The following PTPRD variants were observed in gnomAD, a reference collection of about 807,000 sequenced individuals.
PTPRD encodes the protein receptor-type tyrosine-protein phosphatase delta.
Under a neutral mutation model 214.5 loss-of-function variants are expected in PTPRD, and 34 were observed. The ratio of observed to expected loss-of-function variants is 0.16; its 90% confidence interval spans 0.12 to 0.21. PTPRD has a LOEUF of 0.21. Among genes scored for constraint, PTPRD ranks in the 10% least tolerant of loss-of-function variants. PTPRD has a pLI of 1.00. For synonymous variants in PTPRD, 1,128 were observed against 845.7 expected, an observed-to-expected ratio of 1.33 and a Z score of -5.79; for missense variants, 2,545 against 2,398.7, an observed-to-expected ratio of 1.06 and a Z score of -1.27.
intron 11 of PTPRD, among the ~76,000 whole-genome samples, chr9:8,851,802 C>T (rs905037501): frequency 3.3e-5 from 5 of 151,860 alleles, no homozygotes; most frequent in African/African-American, 4.8e-5. Context: ...TCATTTCCTC[C>T]GAGAGCTCAC....
At chr9:9,003,952 A>G (rs925931420) in intron 11 of PTPRD, among the ~76,000 whole-genome samples, 6 of 152,084 alleles carry the variant, frequency 3.9e-5, no homozygotes, top group African/African-American at 9.7e-5. Flanking sequence ...TGGCCATTGC[A>G]TTCCTAAACG....
At chr9:10,437,919 T>C (rs2098731304) in intron 2 of PTPRD, among the ~76,000 whole-genome samples, 1 of 149,716 alleles carries the variant, frequency 6.7e-6, no homozygotes, top group Non-Finnish European at 1.5e-5. Flanking sequence ...TAAAAGTACC[T>C]ATTCTGTGTT....
chr9:10,432,113 A>G (rs1023071641), intron 2 of PTPRD, among the ~76,000 whole-genome samples: 33 of 151,974 alleles, frequency 2.2e-4, no homozygotes, highest in African/African-American at 7.2e-4. Flanking sequence ...CCATAAAAAA[A>G]TGATGAGTTC....
chr9:10,227,702 T>C (rs1040557541), intron 3 of PTPRD, among the ~76,000 whole-genome samples: 2 of 152,020 alleles, frequency 1.3e-5, no homozygotes, highest in East Asian at 1.9e-4. Context: ...CAGAGACCTA[T>C]GTATTTTGTT....
In PTPRD at chr9:10,141,269, G is replaced by A. The variant is rs961588423; in HGVS notation, c.-544-107479C>T. Among the ~76,000 whole-genome samples, 6 of 152,022 alleles carry A rather than the reference G, an allele frequency of 3.9e-5. No individual in the cohort carries two copies. In the East Asian group the frequency reaches 1.2e-3, roughly 29 times the overall value. On this transcript the variant is annotated intron_variant, in intron 3 of 45. Transcript: ENST00000381196. ...TGGCCAGGGCAATTAGGCAGGAGAA[G>A]GAAATAAAGGGCATTCAATTAGGAA...
At chr9:10,362,427 G>A (rs1264953618) in intron 2 of PTPRD, among the ~76,000 whole-genome samples, 1 of 150,912 alleles carries the variant, frequency 6.6e-6, no homozygotes, top group African/African-American at 2.4e-5. Flanking sequence ...AAGGAACTGA[G>A]CAATGACTGA....
At chr9:8,853,934 C>T (rs892631191) in intron 11 of PTPRD, among the ~76,000 whole-genome samples, 2 of 152,218 alleles carry the variant, frequency 1.3e-5, no homozygotes, top group East Asian at 3.9e-4. Flanking sequence ...AAAAGAGATT[C>T]AGACTAAATT....
At chr9:8,819,766 T>G (rs2097007934) in intron 11 of PTPRD, among the ~76,000 whole-genome samples, 1 of 152,322 alleles carries the variant, frequency 6.6e-6, no homozygotes, top group Non-Finnish European at 1.5e-5. Context: ...GTCAGATTCC[T>G]TTGTGACACA....
At chr9:8,590,077 T>G (rs1349085759) in intron 14 of PTPRD, among the ~76,000 whole-genome samples, 3 of 152,046 alleles carry the variant, frequency 2.0e-5, no homozygotes, top group Non-Finnish European at 4.4e-5. Flanking sequence ...AGGCCATACT[T>G]AAGGGTACAT....
At chr9:8,844,298 T>C (rs1275665677) in intron 11 of PTPRD, among the ~76,000 whole-genome samples, 2 of 152,174 alleles carry the variant, frequency 1.3e-5, no homozygotes, top group Non-Finnish European at 2.9e-5. Context: ...ACCACATCCA[T>C]GGTGTGTCTT....
chr9:9,795,422 C>G (rs1466306138), intron 5 of PTPRD, among the ~76,000 whole-genome samples: 2 of 151,940 alleles, frequency 1.3e-5, no homozygotes, highest in East Asian at 1.9e-4. Context: ...TGCCACCCAG[C>G]CAAGGAAGCA....
chr9:8,848,412 T>G (rs2097749169), intron 11 of PTPRD, among the ~76,000 whole-genome samples: 1 of 150,238 alleles, frequency 6.7e-6, no homozygotes, highest in African/African-American at 2.4e-5. Context: ...CCCAGCTCAC[T>G]GCAGCCTTGA....
intron 11 of PTPRD, among the ~76,000 whole-genome samples, chr9:8,791,900 T>C (rs1043246359): frequency 2.0e-5 from 3 of 152,152 alleles, no homozygotes; most frequent in Admixed American, 2.0e-4. Flanking sequence ...GGCCAGGGAA[T>C]GACTGCAATG....
intron 11 of PTPRD, among the ~76,000 whole-genome samples, chr9:8,965,803 T>C (rs2099190419): frequency 1.3e-5 from 2 of 152,076 alleles, no homozygotes; most frequent in African/African-American, 4.8e-5. Context: ...TTAGGCAAGA[T>C]AAAGAAATAA....
chr9:10,039,533 C>T (rs1334199225), intron 3 of PTPRD, among the ~76,000 whole-genome samples: 1 of 152,032 alleles, frequency 6.6e-6, no homozygotes, highest in African/African-American at 2.4e-5. Flanking sequence ...TGTATTCAAA[C>T]ACACTTTAAT....
intron 11 of PTPRD, among the ~76,000 whole-genome samples, chr9:9,001,199 C>T (rs183073978): frequency 1.3e-5 from 2 of 152,120 alleles, no homozygotes; most frequent in East Asian, 3.9e-4. Context: ...AAGTACTGTT[C>T]TAGGTCCTGG....
chr9:8,649,355 C>A (rs983965199), intron 12 of PTPRD, among the ~76,000 whole-genome samples: 1 of 152,208 alleles, frequency 6.6e-6, no homozygotes, highest in Non-Finnish European at 1.5e-5. Flanking sequence ...CCACAACTTA[C>A]AAAAACATAG....
At chr9:9,014,482 T>C (rs1020239634) in intron 11 of PTPRD, among the ~76,000 whole-genome samples, 1 of 152,186 alleles carries the variant, frequency 6.6e-6, no homozygotes, top group Non-Finnish European at 1.5e-5. Context: ...GAACGATACA[T>C]ATGTGATTAC....
intron 11 of PTPRD, among the ~76,000 whole-genome samples, chr9:8,749,921 G>C (rs191768724): frequency 1.2e-3 from 180 of 152,050 alleles, no homozygotes; most frequent in Non-Finnish European, 1.2e-3. Flanking sequence ...GGCCAACATG[G>C]TGAAACCCCA....
Sources: allele counts gnomAD v4.1 joint callset (sites outside exome capture counted in the v4.1 genomes callset), GRCh38; gene constraint gnomAD v4.1.1; transcripts MANE v1.5; gene names NCBI Gene and HGNC (gene_info 2026-07-23, HGNC 2026-07-21).